PRSS3: variants seen among roughly 807,000 people sequenced by gnomAD.
PRSS3 encodes trypsin-3.
Under a neutral mutation model 20.8 loss-of-function variants are expected in PRSS3, and 14 were observed. The ratio of observed to expected loss-of-function variants is 0.67; its 90% CI spans 0.44 to 1.05. The LOEUF is 1.05. PRSS3 is among the 50% of genes least tolerant of loss of function. PRSS3 has a pLI of 0.00. For missense variants in PRSS3, 237 were observed against 306.4 expected, an observed-to-expected ratio of 0.77 and a Z score of 1.69; for synonymous variants, 91 against 117.6, an observed-to-expected ratio of 0.77 and a Z score of 1.46.
chr9:33,770,445 G>A (rs1422813040), intron 1 of PRSS3, among the ~76,000 whole-genome samples: 2 of 152,124 alleles, frequency 1.3e-5, no homozygotes, highest in Non-Finnish European at 2.9e-5. Context: ...GGCACTGTTG[G>A]GATGGGGATG....
chr9:33,767,466 A>C (rs914345158), intron 1 of PRSS3, among the ~76,000 whole-genome samples: 17 of 152,188 alleles, frequency 1.1e-4, no homozygotes, highest in Non-Finnish European at 2.4e-4. Context: ...AGGGTCTTTA[A>C]AGAAGTAATC....
chr9:33,763,655 C>T (rs1314074071), intron 1 of PRSS3, among the ~76,000 whole-genome samples: 3 of 148,134 alleles, frequency 2.0e-5, no homozygotes, highest in Non-Finnish European at 3.0e-5. Flanking sequence ...GCAGAAATCG[C>T]GCCACTGCAC....
intron 1 of PRSS3, chr9:33,786,806 A>G (rs1824431619): frequency 1.3e-6 from 1 of 761,722 alleles, no homozygotes. Context: ...AGACAGCAGC[A>G]TATACCTCTG....
chr9:33,750,826 C>T lies in PRSS3; in HGVS notation c.-53+99C>T. On this transcript the variant is annotated intron_variant, in intron 1 of 5. Transcript: ENST00000342836. The surrounding 1 kb of genome is among the most constrained non-coding windows in gnomAD (Gnocchi z 4.8). ...CGGGGCTGTGATGGAGAGGGGGTTCCGACTCGCATGGGACCTGCGGGGGAG... is the reference window on the plus strand; with the variant it reads ...CGGGGCTGTGATGGAGAGGGGGTTCTGACTCGCATGGGACCTGCGGGGGAG... 7.2e-7 allele frequency: 1 copy of T among 1,384,210 alleles called. No individual in the cohort carries two copies. The allele number at this position is 1,384,210 out of a possible 1,614,324, so 85.7% of individuals were successfully genotyped here.
intron 1 of PRSS3, among the ~76,000 whole-genome samples, chr9:33,773,213 TGAGAGA>T: frequency 6.7e-6 from 1 of 149,284 alleles, no homozygotes; most frequent in Non-Finnish European, 1.5e-5. Flanking sequence ...TTATCTCAAA[TGAGAGA>T]GAGAGAGAGA....
chr9:33,757,489 T>C (rs62559232), intron 1 of PRSS3, among the ~76,000 whole-genome samples: 2,523 of 135,898 alleles, frequency 0.019, 43 homozygotes, highest in South Asian at 0.086. Context: ...TTTTTTTTTT[T>C]CCCTGGGAAA....
intron 1 of PRSS3, among the ~76,000 whole-genome samples, chr9:33,775,275 G>T (rs1335732002): frequency 6.6e-6 from 1 of 152,148 alleles, no homozygotes; most frequent in Non-Finnish European, 1.5e-5. Flanking sequence ...CTCAGCCAAT[G>T]ACTTTTAAGT....
At chr9:33,766,591 A>G (rs1823440744) in intron 1 of PRSS3, among the ~76,000 whole-genome samples, 1 of 152,102 alleles carries the variant, frequency 6.6e-6, no homozygotes, top group African/African-American at 2.4e-5. Context: ...AAATAAGTAA[A>G]TAAATAAATA....
intron 2 of PRSS3, among the ~76,000 whole-genome samples, chr9:33,797,461 G>A (rs1469905218): frequency 6.6e-6 from 1 of 152,272 alleles, no homozygotes; most frequent in Non-Finnish European, 1.5e-5. Flanking sequence ...AACAGGCGCT[G>A]TGCGCAGTTA....
At chr9:33,761,201 T>C (rs1823185105) in intron 1 of PRSS3, among the ~76,000 whole-genome samples, 2 of 152,214 alleles carry the variant, frequency 1.3e-5, no homozygotes, top group African/African-American at 4.8e-5. Flanking sequence ...CCAAATGGCA[T>C]AGCCTACTAC....
At position 33,772,974 on chromosome 9, in the gene PRSS3, C is replaced by G. The variant is rs143630698; in HGVS notation, c.-52-21772C>G. Among the ~76,000 whole-genome samples, 113 of 152,276 alleles carry G rather than the reference C, an allele frequency of 7.4e-4. 1 individual carries two copies. The East Asian group carries it at 0.02, about 27-fold the overall frequency. Reference sequence around the variant, plus strand: ...TTCTTTCACCATTTCCTGCTTTCCCCCCTCTAAAATAAGGGAAAATTACTG... The same window carrying G: ...TTCTTTCACCATTTCCTGCTTTCCCGCCTCTAAAATAAGGGAAAATTACTG... On this transcript the variant is annotated intron_variant, in intron 1 of 5. Transcript: ENST00000342836.
At chr9:33,756,001 A>G (rs1445559047) in intron 1 of PRSS3, among the ~76,000 whole-genome samples, 1 of 152,116 alleles carries the variant, frequency 6.6e-6, no homozygotes, top group Non-Finnish European at 1.5e-5. Context: ...ATACATATGT[A>G]CTTTCATACC....
chr9:33,795,944 C>T (rs779889530), intron 1 of PRSS3, among the ~76,000 whole-genome samples: 3 of 152,258 alleles, frequency 2.0e-5, no homozygotes, highest in Non-Finnish European at 4.4e-5. Context: ...TATAGCTGCT[C>T]TTAACCTCGA....
rs376861298 is a variant in PRSS3 at position 33,796,733 on chromosome 9, G to A, written c.131G>A (p.Gly44Asp). Residue 44 changes from glycine to aspartate, a missense_variant, in exon 2 of 5, where the codon GGC becomes GAC. Gly to Asp is a moderately conservative substitution (Grantham distance 94, BLOSUM62 -1). Transcript: ENST00000379405. ...SLPYQVSLNS[G>D]SHFCGGSLIS... Reference sequence around the variant, plus strand: ...CCCTACCAGGTGTCCCTGAATTCTGGCTCCCACTTCTGCGGTGGCTCCCTC... The same window carrying A: ...CCCTACCAGGTGTCCCTGAATTCTGACTCCCACTTCTGCGGTGGCTCCCTC... The A allele has an allele frequency of 5.6e-5, 90 of 1,613,864 alleles. No individual in the cohort carries two copies. The highest frequency in any genetic ancestry group is 5.6e-5 in the Non-Finnish European group (66 of 1,179,868).
chr9:33,752,741 A>G lies in PRSS3; in HGVS notation c.-53+2014A>G, dbSNP rs117930204. On this transcript the variant is annotated intron_variant, in intron 1 of 5. Coordinates refer to the PRSS3 transcript ENST00000342836. The stretch of plus-strand genomic sequence containing the variant: ...GACTATCTGAATTTTAGCGAATTTT[A>G]TCTCTCTTTTCTGTTCTCTTGTGTA... 4.5e-3 allele frequency among the ~76,000 whole-genome samples: 684 copies of G among 152,338 alleles called. 4 individuals carry two copies. Among genetic ancestry groups the G allele is most frequent in the Middle Eastern group, 0.01 (3 of 292 alleles).
At chr9:33,757,723 A>C (rs188260180) in intron 1 of PRSS3, among the ~76,000 whole-genome samples, 11 of 152,312 alleles carry the variant, frequency 7.2e-5, no homozygotes, top group Admixed American at 6.5e-4. Flanking sequence ...TGCCTTATGC[A>C]TAATAGGCAC....
chr9:33,758,308 G>T (rs1823043721), intron 1 of PRSS3, among the ~76,000 whole-genome samples: 1 of 152,202 alleles, frequency 6.6e-6, no homozygotes, highest in Non-Finnish European at 1.5e-5. Flanking sequence ...GACCCATGAT[G>T]AAAGTCTCTC....
At chr9:33,752,444 C>T (rs1256795826) in intron 1 of PRSS3, among the ~76,000 whole-genome samples, 2 of 152,188 alleles carry the variant, frequency 1.3e-5, no homozygotes, top group Non-Finnish European at 1.5e-5. Context: ...AAAGTCCTTG[C>T]TATTGCAAAA....
At chr9:33,793,329 GCAGGAGT>G (rs1275341130), upstream of PRSS3, among the ~76,000 whole-genome samples, 15 of 132,946 alleles carry the variant, frequency 1.1e-4, no homozygotes, top group African/African-American at 3.8e-4. Flanking sequence ...ATCCTCTAAG[GCAGGAGT>G]TGTGTGAAGA....
Sources: gnomAD v4.1 joint callset for allele counts (sites outside exome capture counted in the v4.1 genomes callset) on GRCh38, gnomAD v4.1.1 for gene constraint, Gnocchi (gnomAD v3.1) non-coding constraint, MANE v1.5 for transcripts, NCBI Gene and HGNC (gene_info 2026-07-23, HGNC 2026-07-21) for gene names.